The following GAB1 variants were observed in gnomAD, a reference collection of about 807,000 sequenced individuals.
GAB1 encodes GRB2 associated binding protein 1.
In GAB1, 19 loss-of-function variants were observed where a neutral mutation model predicts 66.5. That is an observed-to-expected ratio of 0.29 (90% CI 0.20 to 0.42). The LOEUF (loss-of-function observed/expected upper bound fraction) is 0.42, where lower values mean the gene tolerates loss of function less well. Among genes scored for constraint, GAB1 ranks in the 10% least tolerant of loss-of-function variants. GAB1 has a pLI of 1.00. For missense variants in GAB1, 732 were observed against 858.5 expected, an observed-to-expected ratio of 0.85 and a Z score of 1.84; for synonymous variants, 294 against 301.4, an observed-to-expected ratio of 0.98 and a Z score of 0.25.
intron 2 of GAB1, among the ~76,000 whole-genome samples, chr4:143,420,248 T>C (rs1732942870): frequency 6.6e-6 from 1 of 152,122 alleles, no homozygotes; most frequent in Admixed American, 6.5e-5. Flanking sequence ...TTTACTATGC[T>C]AATTTCAGAC....
intron 6 of GAB1, 118 bp downstream of exon 6, chr4:143,440,500 A>G (rs1482581835): frequency 6.2e-6 from 6 of 965,734 alleles, no homozygotes; most frequent in Admixed American, 6.1e-5. Context: ...TCATAGTTCC[A>G]TAGCCATCAA....
At chr4:143,347,258 G>T (rs186930398) in intron 1 of GAB1, among the ~76,000 whole-genome samples, 205 of 152,278 alleles carry the variant, frequency 1.3e-3, no homozygotes, top group African/African-American at 4.5e-3. Flanking sequence ...GCCTAAAATT[G>T]TAAATTCTCT....
intron 6 of GAB1, among the ~76,000 whole-genome samples, chr4:143,456,455 T>TGA (rs1735197776): frequency 1.6e-5 from 1 of 63,222 alleles, no homozygotes; most frequent in African/African-American, 1.5e-4. Context: ...AGACTCCGTC[T>TGA]CAAAAAAAAA....
intron 1 of GAB1, among the ~76,000 whole-genome samples, chr4:143,400,666 A>G (rs182553291): frequency 1.3e-5 from 2 of 152,324 alleles, no homozygotes; most frequent in Admixed American, 1.3e-4. Flanking sequence ...CAGAATCTTT[A>G]AATGAAAATG....
At chr4:143,350,116 A>G (rs1729142826) in intron 1 of GAB1, 2 of 1,112,546 alleles carry the variant, frequency 1.8e-6, no homozygotes, top group East Asian at 2.6e-5. Context: ...GTCATCCGCC[A>G]TTTGGTGTTT....
intron 9 of GAB1, 95 bp downstream of exon 9, chr4:143,466,320 T>A: frequency 7.9e-7 from 1 of 1,262,410 alleles, no homozygotes; most frequent in Non-Finnish European, 1.1e-6. Flanking sequence ...TATTAAGTTA[T>A]GTTTAATATA....
At chr4:143,386,305 C>A (rs1462590842) in intron 1 of GAB1, among the ~76,000 whole-genome samples, 1 of 152,082 alleles carries the variant, frequency 6.6e-6, no homozygotes, top group East Asian at 1.9e-4. Context: ...TAATGAGATA[C>A]CTTGGAGAAG....
At chr4:143,421,698 C>CCT (rs371821295) in intron 2 of GAB1, among the ~76,000 whole-genome samples, 1 of 118,692 alleles carries the variant, frequency 8.4e-6, no homozygotes, top group Non-Finnish European at 1.8e-5. Context: ...CTTTTCTTTT[C>CCT]TTTTTTTTTT....
Position 143,473,507 on chromosome 4 carries a change from CA to C in GAB1, c.*4319del, listed in dbSNP as rs1736166078. The C allele has an allele frequency of 6.7e-6, 1 of 149,962 alleles. No individual in the cohort carries two copies. 9.3% of individuals were successfully genotyped at this position (149,962 alleles called of 1,614,324 possible). A position where few individuals can be genotyped will look rare whatever the true frequency, so the allele number is the denominator to read the frequency against. On this transcript the variant is annotated 3_prime_UTR_variant, in exon 10 of 10. Transcript: ENST00000262994. ...CACTAAATCATGTTGAAACACAAGT[CA>C]TGATCCTCTCTAAGTAAATAGAAAA...
intron 1 of GAB1, among the ~76,000 whole-genome samples, chr4:143,364,868 C>CTTTG (rs1729811517): frequency 1.2e-5 from 1 of 86,770 alleles, no homozygotes; most frequent in African/African-American, 5.5e-5. Flanking sequence ...CCTGCATCTA[C>CTTTG]TTTTTTTTTT....
intron 2 of GAB1, among the ~76,000 whole-genome samples, chr4:143,424,419 A>G (rs1056935803): frequency 6.6e-6 from 1 of 152,144 alleles, no homozygotes; most frequent in Non-Finnish European, 1.5e-5. Flanking sequence ...TATTTTTCAT[A>G]CTTCTCTTAA....
chr4:143,440,775 A>G (rs1734187363), intron 6 of GAB1, among the ~76,000 whole-genome samples: 1 of 152,210 alleles, frequency 6.6e-6, no homozygotes, highest in Non-Finnish European at 1.5e-5. Flanking sequence ...CTGGTATATC[A>G]GGAAAAGCCA....
chr4:143,463,797 T>G (rs1735627753), intron 8 of GAB1, among the ~76,000 whole-genome samples: 1 of 152,120 alleles, frequency 6.6e-6, no homozygotes, highest in Non-Finnish European at 1.5e-5. Context: ...GCAAATAGAC[T>G]TCCTTGTAGA....
At chr4:143,394,754 A>G (rs575904481) in intron 1 of GAB1, 3 of 152,298 alleles carry the variant, frequency 2.0e-5, no homozygotes, top group Admixed American at 2.0e-4. Flanking sequence ...CGATGGTTAA[A>G]AAACAGGAAA....
intron 1 of GAB1, among the ~76,000 whole-genome samples, chr4:143,401,862 C>T (rs1018131350): frequency 2.6e-5 from 4 of 151,992 alleles, no homozygotes; most frequent in African/African-American, 9.7e-5. Context: ...TTTCAGTTGA[C>T]GTTGTTGCTA....
At chr4:143,351,706 T>C (rs1729234732) in intron 1 of GAB1, among the ~76,000 whole-genome samples, 1 of 152,062 alleles carries the variant, frequency 6.6e-6, no homozygotes, top group Non-Finnish European at 1.5e-5. Flanking sequence ...TCCCAGCACT[T>C]CCATAACAAT....
chr4:143,440,203 A>G lies in GAB1; in HGVS notation c.1406A>G (p.Glu469Gly). 6.2e-7 allele frequency: 1 copy of G among 1,614,168 alleles called. No homozygotes were observed. The highest frequency in any genetic ancestry group is 8.5e-7 in the Non-Finnish European group (1 of 1,180,014). The stretch of plus-strand genomic sequence containing the variant: ...AGCAGTTTTACAGAACCAATTCAGG[A>G]AGCAAATTATGTGCCAATGACTCCA... ...HSSSFTEPIQ[E>G]ANYVPMTPGT... The change falls in exon 6 of 10, where the codon GAA becomes GGA. Residue 469 changes from glutamate (E) to glycine (G), a missense_variant. This residue lies in a region of GAB1 where 427 missense variants were observed against 420.6 expected (regional missense o/e 1.02). Coordinates refer to ENST00000262994, the MANE Select transcript of GAB1 (RefSeq NM_002039.4).
intron 8 of GAB1, among the ~76,000 whole-genome samples, 157 bp downstream of exon 8, chr4:143,460,644 A>T (rs1231526050): frequency 6.6e-6 from 1 of 152,146 alleles, no homozygotes; most frequent in African/African-American, 2.4e-5. Context: ...TAATGTCATA[A>T]ACTCTAAAAC....
chr4:143,363,819 T>C (rs1252152587), intron 1 of GAB1, among the ~76,000 whole-genome samples: 2 of 152,160 alleles, frequency 1.3e-5, no homozygotes, highest in Non-Finnish European at 2.9e-5. Context: ...ACCCAGGCAG[T>C]GAGCAGCCTA....
Sources: gnomAD v4.1 joint callset for allele counts (sites outside exome capture counted in the v4.1 genomes callset) on GRCh38, gnomAD v4.1.1 for gene constraint, gnomAD v4.1.1 regional missense constraint, MANE v1.5 for transcripts, NCBI Gene and HGNC (gene_info 2026-07-23, HGNC 2026-07-21) for gene names.